The following SMCHD1 variants were observed in gnomAD, a reference collection of about 807,000 sequenced individuals.
SMCHD1 encodes the protein structural maintenance of chromosomes flexible hinge domain-containing protein 1.
A neutral mutation model predicts 254.7 loss-of-function variants in SMCHD1; 78 were observed. The ratio of observed to expected loss-of-function variants is 0.31; its 90% confidence interval spans 0.26 to 0.37. The LOEUF is 0.37. Ranked by LOEUF, SMCHD1 falls within the 10% of genes least tolerant of loss-of-function variation. The pLI is 1.00. For missense variants in SMCHD1, 1,840 were observed against 2,408.1 expected (o/e 0.76, Z 4.94); for synonymous variants, 766 against 794.9 (o/e 0.96, Z 0.61).
At chr18:2,666,739 G>A (rs2073449978) in intron 2 of SMCHD1, 131 bp from the exon 3 acceptor site, 1 of 660,490 alleles carries the variant, frequency 1.5e-6, no homozygotes, top group Non-Finnish European at 2.4e-6. Context: ...TTGCTTACAG[G>A]TAGATGATTG....
Position 2,770,114 on chromosome 18 carries a change from T to A in SMCHD1, c.4966+6T>A. On this transcript the variant is annotated splice_donor_region_variant and intron_variant, in intron 39 of 47. Coordinates refer to ENST00000320876, the MANE Select transcript of SMCHD1 (RefSeq NM_015295.3). ...GCTTCTTAATGAAATGAAATGTAAG[T>A]CATTTTGTATTCAAGACAAAAATTA... 6.3e-7 allele frequency: 1 copy of A among 1,598,316 alleles called. No individual in the cohort carries two copies. The highest frequency in any genetic ancestry group is 8.5e-7 in the Non-Finnish European group (1 of 1,176,320).
chr18:2,683,900 A>G (rs1485666744), intron 5 of SMCHD1, among the ~76,000 whole-genome samples: 1 of 151,962 alleles, frequency 6.6e-6, no homozygotes, highest in Non-Finnish European at 1.5e-5. Flanking sequence ...CTTTTAATGT[A>G]CCTTTATTAT....
chr18:2,679,791 A>AT (rs1295048200), intron 5 of SMCHD1, among the ~76,000 whole-genome samples: 1 of 151,032 alleles, frequency 6.6e-6, no homozygotes, highest in African/African-American at 2.4e-5. Flanking sequence ...GTTTTTGGCC[A>AT]TTTTTTTCTC....
chr18:2,690,122 A>G (rs2074142704), intron 7 of SMCHD1, among the ~76,000 whole-genome samples: 1 of 151,146 alleles, frequency 6.6e-6, no homozygotes, highest in Non-Finnish European at 1.5e-5. Flanking sequence ...GGAAGATAAA[A>G]ATACTCCCAA....
At chr18:2,656,394 C>A (rs1199788316) in intron 1 of SMCHD1, 133 bp downstream of exon 1, 1 of 851,492 alleles carries the variant, frequency 1.2e-6, no homozygotes, top group East Asian at 3.3e-5. Flanking sequence ...TTCCCTCTCC[C>A]GTGTGCCCGC....
chr18:2,772,343 ACTAAAGGCAGTGGAGAT>A lies in SMCHD1; in HGVS notation c.5147_5163del (p.Thr1716SerfsTer12). ...AAGATCGTGTACTCTTCCAAACTATACTAAAGGCAGTGGAGATGTTTTGGGAAAGGTTTGTGTTTATT... is the reference window on the plus strand; with the variant it reads ...AAGATCGTGTACTCTTCCAAACTATAGTTTTGGGAAAGGTTTGTGTTTATT... On this transcript the variant is annotated frameshift_variant, in exon 41 of 48. Coordinates refer to ENST00000320876, the MANE Select transcript of SMCHD1 (RefSeq NM_015295.3). LOFTEE classifies it high-confidence loss of function. 1 of 1,590,304 alleles carries A rather than the reference ACTAAAGGCAGTGGAGAT, an allele frequency of 6.3e-7. No homozygotes were observed. The highest frequency in any genetic ancestry group is 8.5e-7 in the Non-Finnish European group (1 of 1,170,914).
intron 34 of SMCHD1, chr18:2,760,273 C>G (rs991830711): frequency 2.4e-5 from 4 of 163,832 alleles, no homozygotes; most frequent in African/African-American, 7.2e-5. Context: ...CATAGAAGAT[C>G]AGCAGGATGT....
intron 34 of SMCHD1, among the ~76,000 whole-genome samples, chr18:2,758,920 G>A (rs1364463446): frequency 6.6e-6 from 1 of 150,510 alleles, no homozygotes; most frequent in Non-Finnish European, 1.5e-5. Context: ...TAAAAATTTT[G>A]CCATTCTTTT....
intron 30 of SMCHD1, among the ~76,000 whole-genome samples, chr18:2,749,217 A>G (rs2075525750): frequency 6.6e-6 from 1 of 152,114 alleles, no homozygotes; most frequent in Admixed American, 6.5e-5. Flanking sequence ...TCATCCTATC[A>G]TTTCAAGTAC....
intron 15 of SMCHD1, among the ~76,000 whole-genome samples, chr18:2,706,894 G>A (rs1433726157): frequency 6.6e-6 from 1 of 152,164 alleles, no homozygotes; most frequent in Non-Finnish European, 1.5e-5. Flanking sequence ...GGCTGGGGAG[G>A]CCTCAGGAAA....
intron 47 of SMCHD1, chr18:2,796,846 G>GA: frequency 4.1e-6 from 1 of 242,878 alleles, no homozygotes; most frequent in South Asian, 5.7e-5. Context: ...GCCTCTCAAA[G>GA]TACTGGGATT....
intron 1 of SMCHD1, among the ~76,000 whole-genome samples, chr18:2,662,667 C>CAAAAAA (rs745838636): frequency 5.6e-5 from 2 of 35,682 alleles, no homozygotes; most frequent in Non-Finnish European, 1.0e-4. Flanking sequence ...AACAAAAAAC[C>CAAAAAA]AAAAAAAAAA....
At chr18:2,748,355 T>A (rs2075499836) in intron 30 of SMCHD1, among the ~76,000 whole-genome samples, 1 of 19,712 alleles carries the variant, frequency 5.1e-5, no homozygotes, top group Non-Finnish European at 1.6e-4. Flanking sequence ...TGTGTGTGTG[T>A]GTGTGTGTGT....
chr18:2,725,277 C>T (rs940007603), intron 21 of SMCHD1, among the ~76,000 whole-genome samples: 3 of 151,046 alleles, frequency 2.0e-5, no homozygotes, highest in African/African-American at 4.9e-5. Context: ...GCCATTTTTT[C>T]GACATAGTTA....
intron 44 of SMCHD1, among the ~76,000 whole-genome samples, chr18:2,783,338 G>T (rs1044367652): frequency 1.3e-5 from 2 of 152,098 alleles, no homozygotes; most frequent in Non-Finnish European, 2.9e-5. Context: ...CTGTCCCAGG[G>T]CATATCAGTA....
chr18:2,684,408 G>T (rs865854492), intron 5 of SMCHD1, among the ~76,000 whole-genome samples: 3 of 151,812 alleles, frequency 2.0e-5, no homozygotes, highest in Non-Finnish European at 2.9e-5. Flanking sequence ...ACTTTCTCTG[G>T]TGTTAATATA....
chr18:2,785,645 C>T (rs1264282992), intron 45 of SMCHD1, among the ~76,000 whole-genome samples: 2 of 2,766 alleles, frequency 7.2e-4, no homozygotes, highest in Admixed American at 5.7e-3. Context: ...GAGACTCTGT[C>T]TCAAAAAAAA....
intron 5 of SMCHD1, among the ~76,000 whole-genome samples, chr18:2,685,091 C>CTTCTT (rs1218491094): frequency 2.2e-5 from 1 of 45,750 alleles, no homozygotes; most frequent in Non-Finnish European, 6.2e-5. Context: ...TGTTCTGTCC[C>CTTCTT]TTATTTTTTT....
intron 1 of SMCHD1, among the ~76,000 whole-genome samples, chr18:2,663,213 G>A (rs1181072004): frequency 2.0e-5 from 3 of 152,014 alleles, no homozygotes; most frequent in Admixed American, 6.6e-5. Context: ...TCAGGGGATC[G>A]TCCAACCTCA....
Sources: allele counts gnomAD v4.1 joint callset (sites outside exome capture counted in the v4.1 genomes callset), GRCh38; gene constraint gnomAD v4.1.1; transcripts MANE v1.5; gene names NCBI Gene and HGNC (gene_info 2026-07-23, HGNC 2026-07-21).